The following ADAM12 variants were observed in gnomAD, a reference collection of about 807,000 sequenced individuals.
The protein encoded by ADAM12 is ADAM metallopeptidase domain 12, also known as disintegrin and metalloproteinase domain-containing protein 12.
ADAM12 carries 70 observed loss-of-function variants against 106.4 expected under a neutral mutation model. The ratio of observed to expected loss-of-function variants is 0.66; its 90% CI spans 0.54 to 0.80. The LOEUF (loss-of-function observed/expected upper bound fraction) is 0.80, where lower values mean the gene tolerates loss of function less well. Ranked by LOEUF, ADAM12 falls within the 30% of genes least tolerant of loss-of-function variation. ADAM12 has a pLI of 0.00. For missense variants in ADAM12, 1,010 were observed against 1,171.9 expected, an observed-to-expected ratio of 0.86 and a Z score of 2.02; for synonymous variants, 420 against 433.5, an observed-to-expected ratio of 0.97 and a Z score of 0.39.
intron 3 of ADAM12, among the ~76,000 whole-genome samples, chr10:126,219,724 T>C (rs1958054612): frequency 6.6e-6 from 1 of 152,336 alleles, no homozygotes; most frequent in African/African-American, 2.4e-5. Context: ...TGCTGTTAGT[T>C]AAACCATCCA....
chr10:126,315,863 C>G (rs549175599), intron 2 of ADAM12, among the ~76,000 whole-genome samples: 1 of 152,356 alleles, frequency 6.6e-6, no homozygotes, highest in African/African-American at 2.4e-5. Flanking sequence ...AGCAAAGACA[C>G]AGACATGGGC....
chr10:126,272,190 C>A (rs1297277987), intron 3 of ADAM12, among the ~76,000 whole-genome samples: 2 of 152,220 alleles, frequency 1.3e-5, no homozygotes, highest in Non-Finnish European at 2.9e-5. Context: ...AGGACAGGAA[C>A]TTTATCTTAT....
intron 4 of ADAM12, among the ~76,000 whole-genome samples, chr10:126,149,609 G>A (rs1427924179): frequency 6.6e-6 from 1 of 152,202 alleles, no homozygotes; most frequent in Non-Finnish European, 1.5e-5. Context: ...TGCCAGCGCG[G>A]CTAGAATAAA....
At position 126,112,801 on chromosome 10, in the gene ADAM12, G is replaced by T. The variant is rs555338019; in HGVS notation, c.604-2961C>A. Among the ~76,000 whole-genome samples the T allele has an allele frequency of 1.3e-4, 19 of 150,566 alleles. No individual in the cohort carries two copies. In the East Asian group the frequency reaches 3.5e-3, roughly 28 times the overall value. ...TGTAGGGTGCTGGGGATACAGTGTG[G>T]ACAGGAAACTCATATTCCTGAAACC... is the stretch of plus-strand genomic sequence containing the variant. On this transcript the variant is annotated intron_variant, in intron 6 of 22. Coordinates refer to ENST00000448723, the MANE Select transcript of ADAM12 (RefSeq NM_001288973.2).
At chr10:126,259,310 C>G (rs190593017) in intron 3 of ADAM12, among the ~76,000 whole-genome samples, 2 of 151,894 alleles carry the variant, frequency 1.3e-5, no homozygotes, top group Non-Finnish European at 2.9e-5. Flanking sequence ...GTGATACAGA[C>G]GAAAAACCCT....
intron 3 of ADAM12, among the ~76,000 whole-genome samples, chr10:126,188,498 G>A (rs1957440020): frequency 6.6e-6 from 1 of 152,098 alleles, no homozygotes; most frequent in South Asian, 2.1e-4. Context: ...AACCTATTAT[G>A]CCTCATGCAT....
intron 2 of ADAM12, among the ~76,000 whole-genome samples, chr10:126,284,773 C>A (rs150904937): frequency 6.6e-6 from 1 of 152,138 alleles, no homozygotes; most frequent in Non-Finnish European, 1.5e-5. Flanking sequence ...CTTTTGTGAT[C>A]TTTTTTCTTC....
At chr10:126,335,601 T>A (rs575600449) in intron 1 of ADAM12, among the ~76,000 whole-genome samples, 4 of 152,334 alleles carry the variant, frequency 2.6e-5, no homozygotes, top group African/African-American at 9.6e-5. Flanking sequence ...ATTTTCAATC[T>A]TAACCAAATA....
intron 4 of ADAM12, among the ~76,000 whole-genome samples, chr10:126,149,812 C>T (rs374911186): frequency 1.3e-5 from 2 of 152,206 alleles, no homozygotes; most frequent in East Asian, 3.9e-4. Context: ...CCATCGGCTT[C>T]CCTACTTTTG....
At position 126,013,882 on chromosome 10, in the gene ADAM12, C is replaced by T. The variant is rs1953610636; in HGVS notation, c.*3397G>A. ...TGTCATTGTGTGTGAAACTCCTAGCCTGAGAGCCCCACCTCTGGTCAGCAC... is the reference window on the plus strand; with the variant it reads ...TGTCATTGTGTGTGAAACTCCTAGCTTGAGAGCCCCACCTCTGGTCAGCAC... On this transcript the variant is annotated 3_prime_UTR_variant, in exon 23 of 23. Transcript: ENST00000448723. This position sits in a 1 kb window ranked among gnomAD's most constrained non-coding sequence, Gnocchi z 4.3. 6.6e-6 allele frequency: 1 copy of T among 152,428 alleles called. No homozygotes were observed. Among genetic ancestry groups the T allele is most frequent in the Non-Finnish European group, 1.5e-5 (1 of 68,248 alleles). The allele number at this position is 152,428 out of a possible 1,614,324, so 9.4% of individuals were successfully genotyped here. A position where few individuals can be genotyped will look rare whatever the true frequency, so the allele number is the denominator to read the frequency against.
intron 3 of ADAM12, among the ~76,000 whole-genome samples, chr10:126,162,634 T>A (rs1674926): frequency 0.12 from 17,856 of 151,768 alleles, 3,367 homozygotes; most frequent in African/African-American, 0.4. Context: ...AAGAGAAAAA[T>A]ACAGGCTCCA....
chr10:126,090,477 C>T (rs559616582), intron 11 of ADAM12, among the ~76,000 whole-genome samples: 2 of 152,222 alleles, frequency 1.3e-5, no homozygotes, highest in South Asian at 4.1e-4. Context: ...GCATACGTAG[C>T]CCTCACCTCC....
At chr10:126,058,494 T>G (rs1954681611) in intron 14 of ADAM12, among the ~76,000 whole-genome samples, 1 of 152,240 alleles carries the variant, frequency 6.6e-6, no homozygotes, top group African/African-American at 2.4e-5. Context: ...GACAGACGTT[T>G]TACTTCCTGG....
At chr10:126,326,549 T>C (rs539997266) in intron 2 of ADAM12, among the ~76,000 whole-genome samples, 1 of 152,274 alleles carries the variant, frequency 6.6e-6, no homozygotes, top group Non-Finnish European at 1.5e-5. Context: ...CTGTCCGTGG[T>C]CAGAGTGTGG....
intron 10 of ADAM12, among the ~76,000 whole-genome samples, chr10:126,095,592 T>C (rs1955543448): frequency 6.9e-6 from 1 of 144,254 alleles, no homozygotes; most frequent in African/African-American, 2.5e-5. Context: ...GCCCTCATAA[T>C]GTATTAATCC....
At chr10:126,041,868 C>G in intron 18 of ADAM12, 1 of 1,317,352 alleles carries the variant, frequency 7.6e-7, no homozygotes, top group Non-Finnish European at 9.7e-7. Flanking sequence ...TGGTAACCTG[C>G]TACTCTCTCA....
In ADAM12 at chr10:126,120,765, C is replaced by T. The variant is rs145109046; in HGVS notation, c.417-2541G>A. ...ATATTTTGGGGTATCATTTTCTGAG[C>T]CCCAACATACATAACCACAAAATTT... On this transcript the variant is annotated intron_variant, in intron 5 of 22. Transcript: ENST00000448723. Among the ~76,000 whole-genome samples, 201 of 150,812 alleles carry T rather than the reference C, an allele frequency of 1.3e-3. 1 individual carries two copies. The East Asian group carries it at 0.032, about 24-fold the overall frequency.
chr10:126,041,855 G>A, intron 18 of ADAM12: 1 of 1,278,170 alleles, frequency 7.8e-7, no homozygotes, highest in Non-Finnish European at 9.9e-7. Flanking sequence ...GGGCCTGCCA[G>A]AGTGGTAACC....
At chr10:126,045,984 T>G in intron 17 of ADAM12, 71 bp downstream of exon 17, 1 of 1,404,570 alleles carries the variant, frequency 7.1e-7, no homozygotes, top group African/African-American at 1.4e-5. Context: ...TTGCAAAACC[T>G]TTTACAAATG....
Sources: gnomAD v4.1 joint callset for allele counts (sites outside exome capture counted in the v4.1 genomes callset) on GRCh38, gnomAD v4.1.1 for gene constraint, Gnocchi (gnomAD v3.1) non-coding constraint, MANE v1.5 for transcripts, NCBI Gene and HGNC (gene_info 2026-07-23, HGNC 2026-07-21) for gene names.